SAMD12: variants seen among roughly 807,000 people sequenced by gnomAD.
SAMD12 encodes the protein sterile alpha motif domain containing 12.
Under a neutral mutation model 15.0 loss-of-function variants are expected in SAMD12, and 9 were observed. The ratio of observed to expected loss-of-function variants is 0.60; its 90% CI spans 0.36 to 1.05. SAMD12 has a LOEUF of 1.05. Ranked by LOEUF, SAMD12 falls within the 50% of genes least tolerant of loss-of-function variation. The pLI, the probability that SAMD12 is intolerant of heterozygous loss-of-function variation, is 0.01. For missense variants in SAMD12, 230 were observed against 234.2 expected (o/e 0.98, Z 0.12); for synonymous variants, 86 against 90.1 (o/e 0.96, Z 0.25).
At chr8:118,510,133 C>A (rs899422266) in intron 2 of SAMD12, among the ~76,000 whole-genome samples, 1 of 152,104 alleles carries the variant, frequency 6.6e-6, no homozygotes, top group African/African-American at 2.4e-5. Flanking sequence ...ACTTTAGAAT[C>A]ATCAGTAATC....
chr8:118,220,922 A>G (rs909962807), intron 4 of SAMD12, among the ~76,000 whole-genome samples: 2 of 152,136 alleles, frequency 1.3e-5, no homozygotes, highest in Non-Finnish European at 2.9e-5. Context: ...TCTAAAAGGC[A>G]GGAGGGGTGG....
chr8:118,230,412 C>A (rs1226883865), intron 4 of SAMD12, among the ~76,000 whole-genome samples: 1 of 152,068 alleles, frequency 6.6e-6, no homozygotes, highest in African/African-American at 2.4e-5. Flanking sequence ...GAGAGCTATT[C>A]CAACTACTGA....
chr8:118,219,293 C>T (rs545453146), intron 4 of SAMD12, among the ~76,000 whole-genome samples: 90 of 152,336 alleles, frequency 5.9e-4, no homozygotes, highest in African/African-American at 2.1e-3. Context: ...AGACTATGCC[C>T]TGTGTGTTTT....
chr8:118,313,734 A>C (rs1342892470), intron 4 of SAMD12, among the ~76,000 whole-genome samples: 2 of 152,172 alleles, frequency 1.3e-5, no homozygotes, highest in African/African-American at 4.8e-5. Context: ...CTGTGATCCC[A>C]TTATTGCATT....
intron 3 of SAMD12, among the ~76,000 whole-genome samples, chr8:118,409,337 T>C (rs1563837919): frequency 6.6e-6 from 1 of 152,052 alleles, no homozygotes; most frequent in African/African-American, 2.4e-5. Flanking sequence ...GATGGAGCAA[T>C]TTCATTGTTC....
chr8:118,141,758 C>T, the SAMD12 span, among the ~76,000 whole-genome samples: 1 of 152,206 alleles, frequency 6.6e-6, no homozygotes, highest in African/African-American at 2.4e-5. Flanking sequence ...TTTTGCTGTG[C>T]CACCTGACTC....
intron 3 of SAMD12, among the ~76,000 whole-genome samples, chr8:118,430,904 T>C (rs1822382810): frequency 6.6e-6 from 1 of 152,222 alleles, no homozygotes; most frequent in African/African-American, 2.4e-5. Context: ...AGGTAATTAT[T>C]GATAGACTTA....
intron 1 of SAMD12, among the ~76,000 whole-genome samples, chr8:118,583,024 G>C (rs1316446524): frequency 6.6e-6 from 1 of 152,098 alleles, no homozygotes; most frequent in African/African-American, 2.4e-5. Flanking sequence ...AAAGGGCTTG[G>C]TTGACTATGG....
intron 2 of SAMD12, among the ~76,000 whole-genome samples, chr8:118,443,425 A>G (rs1482807645): frequency 6.6e-6 from 1 of 152,048 alleles, no homozygotes; most frequent in Non-Finnish European, 1.5e-5. Flanking sequence ...GCCATTGTAC[A>G]CCAGCCTGGG....
At chr8:118,210,624 C>T (rs1819993964) in intron 4 of SAMD12, among the ~76,000 whole-genome samples, 1 of 152,172 alleles carries the variant, frequency 6.6e-6, no homozygotes, top group Non-Finnish European at 1.5e-5. Flanking sequence ...ACCTAATATT[C>T]CAGGCCATTC....
At chr8:118,199,980 A>G (rs950938244) in intron 4 of SAMD12, among the ~76,000 whole-genome samples, 1 of 152,050 alleles carries the variant, frequency 6.6e-6, no homozygotes, top group African/African-American at 2.4e-5. Context: ...ACCCGGTGGG[A>G]GATAATTGAA....
At chr8:118,287,376 C>CT (rs1329714022) in intron 4 of SAMD12, among the ~76,000 whole-genome samples, 1 of 129,346 alleles carries the variant, frequency 7.7e-6, no homozygotes, top group Admixed American at 8.8e-5. Flanking sequence ...CCGCCCGCCT[C>CT]GGCCTCCCAA....
intron 4 of SAMD12, among the ~76,000 whole-genome samples, chr8:118,308,197 G>GTTC (rs1354515554): frequency 1.3e-5 from 2 of 152,036 alleles, no homozygotes; most frequent in Non-Finnish European, 2.9e-5. Context: ...TCATTTGAGC[G>GTTC]TTCCATTTGT....
the SAMD12 span, among the ~76,000 whole-genome samples, chr8:118,154,253 G>A: frequency 2.0e-5 from 3 of 151,950 alleles, no homozygotes; most frequent in South Asian, 2.1e-4. Flanking sequence ...GCGTCATTTC[G>A]TTTCACCCCA....
intron 2 of SAMD12, among the ~76,000 whole-genome samples, chr8:118,454,785 C>G (rs1265983129): frequency 2.0e-5 from 3 of 152,168 alleles, no homozygotes; most frequent in Admixed American, 2.0e-4. Context: ...TAAACAATAA[C>G]TCCCTGTCCC....
chr8:118,230,616 C>T (rs1186061473), intron 4 of SAMD12, among the ~76,000 whole-genome samples: 2 of 151,948 alleles, frequency 1.3e-5, no homozygotes, highest in Admixed American at 6.6e-5. Flanking sequence ...CTACATTCTA[C>T]AATCAGAGGT....
intron 4 of SAMD12, among the ~76,000 whole-genome samples, chr8:118,321,351 C>T (rs193231968): frequency 4.1e-4 from 60 of 146,550 alleles, no homozygotes; most frequent in African/African-American, 1.3e-3. Context: ...CAGTAGCTCA[C>T]GCCTGTAATC....
At chr8:118,371,933 T>G (rs891155746) in intron 4 of SAMD12, among the ~76,000 whole-genome samples, 2 of 151,472 alleles carry the variant, frequency 1.3e-5, no homozygotes, top group African/African-American at 4.9e-5. Flanking sequence ...ACTGAGAGAG[T>G]CAATATCCTG....
chr8:118,168,090 G>T, the SAMD12 span, among the ~76,000 whole-genome samples: 1 of 152,194 alleles, frequency 6.6e-6, no homozygotes, highest in African/African-American at 2.4e-5. Flanking sequence ...GAATTTATCA[G>T]GGGTTTCTGC....
Sources: gnomAD v4.1 joint callset for allele counts (sites outside exome capture counted in the v4.1 genomes callset) on GRCh38, gnomAD v4.1.1 for gene constraint, MANE v1.5 for transcripts, NCBI Gene and HGNC (gene_info 2026-07-23, HGNC 2026-07-21) for gene names.